TRIM37: variants seen among roughly 807,000 people sequenced by gnomAD.
The protein encoded by TRIM37 is tripartite motif containing 37.
Under a neutral mutation model 129.8 loss-of-function variants are expected in TRIM37, and 80 were observed. The observed-to-expected ratio is 0.62, with a 90% CI of 0.51 to 0.74. The LOEUF (loss-of-function observed/expected upper bound fraction) is 0.74, where lower values mean the gene tolerates loss of function less well. Among genes scored for constraint, TRIM37 ranks in the 30% least tolerant of loss-of-function variants. The pLI is 0.00. For synonymous variants in TRIM37, 389 were observed against 387.1 expected (o/e 1.00, Z -0.06); for missense variants, 1,054 against 1,176.5 (o/e 0.90, Z 1.52).
At chr17:58,980,854 C>T (rs755042727), downstream of TRIM37, 2 of 1,614,026 alleles carry the variant, frequency 1.2e-6, no homozygotes, top group Admixed American at 3.3e-5. This position sits in a 1 kb window ranked among gnomAD's most constrained non-coding sequence, Gnocchi z 4.7. Context: ...AAGAGCCTTC[C>T]CACAAAATAG....
chr17:59,014,010 T>A (rs2035607748), intron 21 of TRIM37, among the ~76,000 whole-genome samples: 1 of 152,206 alleles, frequency 6.6e-6, no homozygotes, highest in Admixed American at 6.5e-5. Flanking sequence ...TAAGTTCATG[T>A]ATATTTAATT....
At chr17:59,071,857 C>T (rs2146799501) in intron 8 of TRIM37, among the ~76,000 whole-genome samples, 2 of 152,284 alleles carry the variant, frequency 1.3e-5, no homozygotes. Context: ...AGTCTGTTTA[C>T]ATACAAAACT....
At chr17:58,981,002 G>C, downstream of TRIM37, 1 of 1,611,298 alleles carries the variant, frequency 6.2e-7, no homozygotes, top group Non-Finnish European at 8.5e-7. Flanking sequence ...TCCATGCCCA[G>C]ATCTTCCTTG....
intron 9 of TRIM37, among the ~76,000 whole-genome samples, chr17:59,066,928 G>A (rs1289136905): frequency 6.6e-6 from 1 of 152,140 alleles, no homozygotes; most frequent in Admixed American, 6.5e-5. Flanking sequence ...TTCACTGAAT[G>A]AATGTTTATA....
chr17:59,102,854 T>C (rs545100136), intron 2 of TRIM37, among the ~76,000 whole-genome samples: 1 of 152,200 alleles, frequency 6.6e-6, no homozygotes, highest in Non-Finnish European at 1.5e-5. Context: ...GTATCTTCCT[T>C]AGGCAAGAAT....
chr17:59,100,684 T>C (rs899893469), intron 2 of TRIM37, among the ~76,000 whole-genome samples: 1 of 152,118 alleles, frequency 6.6e-6, no homozygotes, highest in Non-Finnish European at 1.5e-5. Flanking sequence ...ATATATTCAC[T>C]AACTTGGATG....
At chr17:59,001,942 C>T (rs773098393) in intron 22 of TRIM37, among the ~76,000 whole-genome samples, 24 of 152,244 alleles carry the variant, frequency 1.6e-4, no homozygotes, top group South Asian at 4.1e-4. Context: ...TTTAAAATTG[C>T]CCTTTCCATA....
the TRIM37 span, chr17:58,972,359 T>C: frequency 6.9e-7 from 1 of 1,454,834 alleles, no homozygotes. Context: ...CACTTACTTT[T>C]TTTTTTTTTG....
intron 16 of TRIM37, among the ~76,000 whole-genome samples, chr17:59,042,439 A>AT (rs1184637891): frequency 7.3e-5 from 6 of 82,090 alleles, no homozygotes; most frequent in Admixed American, 6.6e-4. Context: ...TTTAAAAAAA[A>AT]AAAAAAAAAA....
chr17:59,044,713 A>G (rs1435267176), intron 16 of TRIM37, among the ~76,000 whole-genome samples: 1 of 152,194 alleles, frequency 6.6e-6, no homozygotes, highest in Non-Finnish European at 1.5e-5. Flanking sequence ...ATTTAAAAGT[A>G]TAGGGGAGGA....
intron 24 of TRIM37, among the ~76,000 whole-genome samples, chr17:58,986,207 T>C (rs193012608): frequency 6.3e-4 from 96 of 152,064 alleles, no homozygotes; most frequent in Non-Finnish European, 1.1e-3. Context: ...TCATTTCCTT[T>C]CCTTCTTTTG....
At chr17:58,998,164 G>T, downstream of TRIM37, 1 of 957,392 alleles carries the variant, frequency 1.0e-6, no homozygotes. Context: ...AGAAAAGAAG[G>T]GGTTTCTGGT....
intron 13 of TRIM37, among the ~76,000 whole-genome samples, chr17:59,051,621 T>G (rs938011819): frequency 6.6e-6 from 1 of 152,168 alleles, no homozygotes; most frequent in Admixed American, 6.5e-5. Flanking sequence ...TAAAATACAA[T>G]GATGATCATG....
chr17:59,012,294 T>C, intron 22 of TRIM37, 34 bp downstream of exon 22: 1 of 1,140,374 alleles, frequency 8.8e-7, no homozygotes, highest in Non-Finnish European at 1.2e-6. Flanking sequence ...AGAATTCTCA[T>C]TTCCTGCTTA....
the TRIM37 span, among the ~76,000 whole-genome samples, chr17:58,968,463 G>A: frequency 1.3e-5 from 2 of 152,226 alleles, no homozygotes; most frequent in Admixed American, 6.5e-5. Flanking sequence ...TCAAAGTACA[G>A]ATATACTTGT....
chr17:59,023,621 C>A (rs1354592949), intron 19 of TRIM37, among the ~76,000 whole-genome samples: 1 of 151,902 alleles, frequency 6.6e-6, no homozygotes. Flanking sequence ...AGCTACTGTA[C>A]CCTAGCCTGG....
At chr17:59,001,863 GAC>G (rs1287848884) in intron 22 of TRIM37, 149 bp from the exon 23 acceptor site, 2 of 1,147,896 alleles carry the variant, frequency 1.7e-6, no homozygotes, top group Non-Finnish European at 2.5e-6. Context: ...ACAAAACAAA[GAC>G]AAAAGTAACC....
At chr17:59,063,071 T>C (rs1480272206) in intron 10 of TRIM37, among the ~76,000 whole-genome samples, 1 of 151,988 alleles carries the variant, frequency 6.6e-6, no homozygotes, top group Non-Finnish European at 1.5e-5. Flanking sequence ...TAAACCTTAA[T>C]ACGTGTGGGA....
At chr17:58,973,222 C>A in the TRIM37 span, among the ~76,000 whole-genome samples, 1 of 151,530 alleles carries the variant, frequency 6.6e-6, no homozygotes, top group Non-Finnish European at 1.5e-5. Flanking sequence ...TCAAGACCAG[C>A]CTGGCCAACA....
Sources: gnomAD v4.1 joint callset for allele counts (sites outside exome capture counted in the v4.1 genomes callset) on GRCh38, gnomAD v4.1.1 for gene constraint, Gnocchi (gnomAD v3.1) non-coding constraint, MANE v1.5 for transcripts, NCBI Gene and HGNC (gene_info 2026-07-23, HGNC 2026-07-21) for gene names.